Variants in GNA13 observed in about 807,000 individuals in gnomAD.
GNA13 encodes the protein guanine nucleotide-binding protein subunit alpha-13.
Under a neutral mutation model 33.5 loss-of-function variants are expected in GNA13, and 4 were observed. The ratio of observed to expected loss-of-function variants is 0.12; its 90% confidence interval spans 0.06 to 0.27. GNA13 has a LOEUF of 0.27. Ranked by LOEUF, GNA13 falls within the 10% of genes least tolerant of loss-of-function variation. The probability of loss-of-function intolerance (pLI) is 1.00; values close to 1 mark genes in which losing one functional copy is unlikely to be tolerated. For missense variants in GNA13, 319 were observed against 487.2 expected (o/e 0.65, Z 3.25); for synonymous variants, 176 against 183.8 (o/e 0.96, Z 0.34).
intron 2 of GNA13, among the ~76,000 whole-genome samples, chr17:65,048,612 A>G (rs188537513): frequency 6.6e-6 from 1 of 152,360 alleles, no homozygotes; most frequent in East Asian, 1.9e-4. Flanking sequence ...TGATGGAACT[A>G]ACCAAAAAAG....
intron 2 of GNA13, among the ~76,000 whole-genome samples, chr17:65,046,344 G>A (rs187743403): frequency 2.6e-5 from 4 of 152,230 alleles, no homozygotes; most frequent in Non-Finnish European, 5.9e-5. Flanking sequence ...AGGCTGGAGT[G>A]CAATGGTGCT....
chr17:65,035,378 G>A (rs1907202969), intron 2 of GNA13, among the ~76,000 whole-genome samples: 1 of 152,086 alleles, frequency 6.6e-6, no homozygotes, highest in Non-Finnish European at 1.5e-5. Context: ...TAAATGAACA[G>A]GATATAAAGT....
chr17:65,029,885 G>A (rs1394507423), intron 2 of GNA13, among the ~76,000 whole-genome samples: 3 of 151,584 alleles, frequency 2.0e-5, no homozygotes, highest in African/African-American at 7.3e-5. Flanking sequence ...TTTTTTAAAG[G>A]CAACTTTCTG....
chr17:65,011,460 T>C lies in GNA13; in HGVS notation c.*2797A>G, dbSNP rs1290971041. 1.0e-5 allele frequency: 2 copies of C among 198,160 alleles called. No individual in the cohort carries two copies. Among genetic ancestry groups the C allele is most frequent in the Non-Finnish European group, 2.1e-5 (2 of 95,572 alleles). The allele number at this position is 198,160 out of a possible 1,614,324, so 12.3% of individuals were successfully genotyped here. On this transcript the variant is annotated 3_prime_UTR_variant, in exon 4 of 4. Transcript: ENST00000439174. ...TGGCAGACAGCAACAATGCAGGTTA[T>C]TAAAAATATTAAAGGGGCAGAGGCA...
chr17:65,028,283 T>G (rs907921775), intron 2 of GNA13, among the ~76,000 whole-genome samples: 21 of 151,788 alleles, frequency 1.4e-4, no homozygotes, highest in African/African-American at 5.1e-4. Flanking sequence ...TGGGCTCCTG[T>G]AGTCTCAGCT....
Position 65,053,666 on chromosome 17 carries a change from G to C in GNA13, c.346C>G (p.Gln116Glu). ...LHIPWGDNSN[Q>E]QHGDKMMSFD... ...GACATCATCTTATCTCCATGTTGTT[G>C]GTTTGAGTTGTCTCCCCAGGGAATA... The change falls in exon 2 of 4, where the codon CAA becomes GAA. Residue 116 changes from glutamine (Q) to glutamate (E), a missense_variant. Transcript: ENST00000439174. 1 of 1,613,886 alleles carries C rather than the reference G, an allele frequency of 6.2e-7. No individual in the cohort carries two copies. Among genetic ancestry groups the C allele is most frequent in the Non-Finnish European group, 8.5e-7 (1 of 1,179,842 alleles).
At chr17:65,026,158 T>C (rs1567819713) in intron 2 of GNA13, among the ~76,000 whole-genome samples, 1 of 151,650 alleles carries the variant, frequency 6.6e-6, no homozygotes, top group Non-Finnish European at 1.5e-5. Flanking sequence ...ATTTTCTATA[T>C]TTTATACTCC....
intron 2 of GNA13, among the ~76,000 whole-genome samples, chr17:65,025,201 A>T (rs778892777): frequency 6.6e-6 from 1 of 152,126 alleles, no homozygotes; most frequent in African/African-American, 2.4e-5. Flanking sequence ...CCCAGCTGTA[A>T]AAGTGGATTT....
At position 65,056,546 on chromosome 17, in the gene GNA13, G is replaced by A. The variant is rs971527437; in HGVS notation, c.48C>T (p.Pro16=). The A allele has an allele frequency of 1.8e-5, 29 of 1,612,214 alleles. 1 individual carries two copies. The East Asian group carries it at 4.2e-4, about 24-fold the overall frequency. The stretch of plus-strand genomic sequence containing the variant: ...CCTCGCCACTCGTCAGCAGGCAGCC[G>A]GGGAAGCACACGGACAGCACGGACC... ...PSRSVLSVCF[P]GCLLTSGEAE... is the part of the protein sequence containing the mutation. The change falls in exon 1 of 4, where the codon CCC becomes CCT. Residue 16 remains proline, a synonymous_variant. Coordinates refer to ENST00000439174, the MANE Select transcript of GNA13 (RefSeq NM_006572.6).
rs1417232682 is a variant in GNA13 at position 65,011,517 on chromosome 17, T to C, written c.*2740A>G. On this transcript the variant is annotated 3_prime_UTR_variant, in exon 4 of 4. Transcript: ENST00000439174. Reference sequence around the variant, plus strand: ...GAATTACTCAGATTTTCAGAAAACATTTGACAAAACCCTTTCTCTATAAAA... The same window carrying C: ...GAATTACTCAGATTTTCAGAAAACACTTGACAAAACCCTTTCTCTATAAAA... The C allele has an allele frequency of 2.5e-5, 5 of 201,432 alleles. No homozygotes were observed. The highest frequency in any genetic ancestry group is 1.6e-3 in the Middle Eastern group (1 of 616). The allele number at this position is 201,432 out of a possible 1,614,324, so 12.5% of individuals were successfully genotyped here.
intron 2 of GNA13, among the ~76,000 whole-genome samples, chr17:65,020,442 A>C (rs1309592919): frequency 6.6e-6 from 1 of 152,112 alleles, no homozygotes; most frequent in African/African-American, 2.4e-5. Context: ...ATTTCAAGTT[A>C]AGTTCTCCTT....
intron 1 of GNA13, among the ~76,000 whole-genome samples, chr17:65,054,752 C>T (rs1907977537): frequency 6.6e-6 from 1 of 152,228 alleles, no homozygotes; most frequent in Non-Finnish European, 1.5e-5. Flanking sequence ...TTACCAGGCT[C>T]ACAGTCAGTT....
intron 2 of GNA13, among the ~76,000 whole-genome samples, chr17:65,038,816 T>C (rs573072375): frequency 1.3e-5 from 2 of 152,232 alleles, no homozygotes; most frequent in Non-Finnish European, 2.9e-5. Context: ...CATCAGTTGA[T>C]AGTTGGGCAA....
chr17:65,021,746 GGTAAAGA>G (rs1311796443), intron 2 of GNA13, among the ~76,000 whole-genome samples: 2 of 152,190 alleles, frequency 1.3e-5, no homozygotes, highest in African/African-American at 2.4e-5. Context: ...ATAGAAAATA[GGTAAAGA>G]GTAGAGTTTT....
chr17:65,056,249 G>GCCCCCCCCCCCCCCCCCCCCCCCCC, intron 1 of GNA13, 62 bp downstream of exon 1: 25 of 774,826 alleles, frequency 3.2e-5, no homozygotes, highest in East Asian at 1.3e-4. Flanking sequence ...GCCCCGCCCC[G>GCCCCCCCCCCCCCCCCCCCCCCCCC]CACCCGCCGC....
At chr17:65,041,510 A>T (rs12452841) in intron 2 of GNA13, among the ~76,000 whole-genome samples, 13,890 of 152,138 alleles carry the variant, frequency 0.091, 855 homozygotes, top group African/African-American at 0.17. Context: ...TAAAAAAAAA[A>T]ATATATATGT....
chr17:65,015,858 T>C (rs1445228092), intron 3 of GNA13, among the ~76,000 whole-genome samples: 1 of 152,106 alleles, frequency 6.6e-6, no homozygotes, highest in African/African-American at 2.4e-5. Context: ...AAATCCTTTC[T>C]CTACTATAAT....
intron 2 of GNA13, among the ~76,000 whole-genome samples, chr17:65,048,077 C>G (rs1403608278): frequency 1.3e-5 from 2 of 152,176 alleles, no homozygotes; most frequent in Non-Finnish European, 2.9e-5. Flanking sequence ...ATTGCAAAGA[C>G]AGACTGGCCA....
intron 2 of GNA13, among the ~76,000 whole-genome samples, chr17:65,041,770 C>T (rs548505884): frequency 5.3e-5 from 8 of 152,262 alleles, no homozygotes; most frequent in African/African-American, 1.9e-4. Context: ...GTTATCTCCC[C>T]ATGCCTCCAG....
Sources: allele counts gnomAD v4.1 joint callset (sites outside exome capture counted in the v4.1 genomes callset), GRCh38; gene constraint gnomAD v4.1.1; transcripts MANE v1.5; gene names NCBI Gene and HGNC (gene_info 2026-07-23, HGNC 2026-07-21).